Variants in PPP1R13B observed in about 807,000 individuals in gnomAD.
The protein encoded by PPP1R13B is apoptosis-stimulating of p53 protein 1.
Under a neutral mutation model 119.8 loss-of-function variants are expected in PPP1R13B, and 44 were observed. The ratio of observed to expected loss-of-function variants is 0.37; its 90% CI spans 0.29 to 0.47. PPP1R13B has a LOEUF of 0.47. Among genes scored for constraint, PPP1R13B ranks in the 20% least tolerant of loss-of-function variants. PPP1R13B has a pLI of 0.99. For missense variants in PPP1R13B, 1,227 were observed against 1,413.5 expected, an observed-to-expected ratio of 0.87 and a Z score of 2.12; for synonymous variants, 542 against 561.5, an observed-to-expected ratio of 0.97 and a Z score of 0.49.
intron 4 of PPP1R13B, among the ~76,000 whole-genome samples, chr14:103,761,796 C>T (rs976598498): frequency 2.6e-5 from 4 of 151,190 alleles, no homozygotes; most frequent in Non-Finnish European, 1.5e-5. Flanking sequence ...AAAAAAGAAA[C>T]ACTAAATAAT....
chr14:103,746,748 T>C (rs553739543), intron 8 of PPP1R13B, 195 bp from the exon 9 acceptor site: 1 of 485,554 alleles, frequency 2.1e-6, no homozygotes, highest in African/African-American at 2.0e-5. Flanking sequence ...TGAGCAATTC[T>C]CCGACAACAC....
chr14:103,789,048 T>C (rs2085543230), intron 2 of PPP1R13B, among the ~76,000 whole-genome samples: 1 of 152,200 alleles, frequency 6.6e-6, no homozygotes, highest in Non-Finnish European at 1.5e-5. Flanking sequence ...TATATGCTAA[T>C]GACTGATTTA....
At chr14:103,823,837 A>C (rs2086469770) in intron 1 of PPP1R13B, among the ~76,000 whole-genome samples, 1 of 152,132 alleles carries the variant, frequency 6.6e-6, no homozygotes, top group African/African-American at 2.4e-5. Context: ...CACTTTAAAA[A>C]AAAAAGTCAA....
intron 1 of PPP1R13B, chr14:103,847,077 G>A (rs777050769): frequency 3.0e-6 from 3 of 1,001,150 alleles, no homozygotes; most frequent in Non-Finnish European, 3.6e-6. Context: ...AGGCCGAGCA[G>A]GAAGGGCCCG....
chr14:103,742,632 T>A lies in PPP1R13B; in HGVS notation c.1320+22A>T. On this transcript the variant is annotated intron_variant, in intron 10 of 16. Transcript: ENST00000202556. This position sits in a 1 kb window ranked among gnomAD's most constrained non-coding sequence, Gnocchi z 4.9. Reference sequence around the variant, plus strand: ...CCTGTTGAAGAGCCCGCTTGTGTTCTGTGGTAAAGACACAGGCCTACCGGC... The same window carrying A: ...CCTGTTGAAGAGCCCGCTTGTGTTCAGTGGTAAAGACACAGGCCTACCGGC... 6.2e-7 allele frequency: 1 copy of A among 1,609,906 alleles called. No homozygotes were observed. The highest frequency in any genetic ancestry group is 8.5e-7 in the Non-Finnish European group (1 of 1,178,098).
intron 15 of PPP1R13B, 91 bp downstream of exon 15, chr14:103,737,603 T>C (rs1199965258): frequency 1.4e-6 from 2 of 1,450,966 alleles, no homozygotes; most frequent in Non-Finnish European, 1.9e-6. Context: ...AACAGAAAGC[T>C]GTGCTGAAGC....
chr14:103,791,885 T>A (rs1177019451), intron 2 of PPP1R13B, among the ~76,000 whole-genome samples: 1 of 152,212 alleles, frequency 6.6e-6, no homozygotes, highest in Admixed American at 6.5e-5. Context: ...AGCTAAATCA[T>A]GTTTCTCAGT....
chr14:103,799,433 C>G (rs1459426166), intron 1 of PPP1R13B, among the ~76,000 whole-genome samples: 1 of 152,094 alleles, frequency 6.6e-6, no homozygotes, highest in Non-Finnish European at 1.5e-5. Flanking sequence ...CCGCCTTGGC[C>G]TCCCAAAATG....
chr14:103,788,634 G>A (rs2085531084), intron 2 of PPP1R13B, among the ~76,000 whole-genome samples: 1 of 151,232 alleles, frequency 6.6e-6, no homozygotes, highest in African/African-American at 2.4e-5. Flanking sequence ...GGCTACGACT[G>A]CCATTGCGCT....
chr14:103,770,242 G>A (rs770536864), intron 4 of PPP1R13B, among the ~76,000 whole-genome samples: 4 of 152,004 alleles, frequency 2.6e-5, no homozygotes, highest in Non-Finnish European at 4.4e-5. Flanking sequence ...AGGCCCAGGT[G>A]GTAGCTCATG....
chr14:103,786,622 G>A (rs1473560832), intron 2 of PPP1R13B, among the ~76,000 whole-genome samples: 10 of 151,640 alleles, frequency 6.6e-5, no homozygotes, highest in African/African-American at 9.7e-5. Context: ...AAAATTAGCC[G>A]GGCATGGTGG....
chr14:103,745,337 A>G (rs941442699), intron 9 of PPP1R13B, among the ~76,000 whole-genome samples: 11 of 152,260 alleles, frequency 7.2e-5, no homozygotes, highest in African/African-American at 2.7e-4. Context: ...ACAATCCCGA[A>G]AAAGGGGCTC....
chr14:103,735,472 G>A (rs1034674860), intron 16 of PPP1R13B, among the ~76,000 whole-genome samples: 3 of 152,104 alleles, frequency 2.0e-5, no homozygotes, highest in Non-Finnish European at 4.4e-5. Context: ...GCTCCCCTGG[G>A]CAAGGGTCTC....
intron 1 of PPP1R13B, among the ~76,000 whole-genome samples, chr14:103,824,246 G>C (rs992813230): frequency 6.7e-6 from 1 of 149,842 alleles, no homozygotes; most frequent in Non-Finnish European, 1.5e-5. Context: ...GGATTTCACC[G>C]TGTTAGCCAG....
At chr14:103,800,689 T>C (rs1387070078) in intron 1 of PPP1R13B, among the ~76,000 whole-genome samples, 1 of 151,968 alleles carries the variant, frequency 6.6e-6, no homozygotes, top group Non-Finnish European at 1.5e-5. Flanking sequence ...AAAAAAAGAT[T>C]TTTTTTTCTT....
At chr14:103,739,327 GA>G (rs2084192784) in intron 12 of PPP1R13B, 1 of 381,376 alleles carries the variant, frequency 2.6e-6, no homozygotes, top group African/African-American at 2.0e-5. Context: ...GGTGGCGTGT[GA>G]CTGCCAAGTA....
At chr14:103,822,647 A>G (rs989244168) in intron 1 of PPP1R13B, among the ~76,000 whole-genome samples, 3 of 151,942 alleles carry the variant, frequency 2.0e-5, no homozygotes, top group Non-Finnish European at 4.4e-5. Flanking sequence ...CCCCATTTCT[A>G]CTAAAAATAC....
intron 4 of PPP1R13B, among the ~76,000 whole-genome samples, chr14:103,758,992 T>C (rs1437022751): frequency 6.6e-6 from 1 of 150,870 alleles, no homozygotes; most frequent in Admixed American, 6.6e-5. Flanking sequence ...GGAGTCTCGC[T>C]CTGTCACCCA....
At chr14:103,794,786 C>T (rs1392962757) in intron 2 of PPP1R13B, 3 of 276,830 alleles carry the variant, frequency 1.1e-5, no homozygotes, top group Non-Finnish European at 2.2e-5. Context: ...CTTCCTAGAT[C>T]CAGCTTCGTT....
Sources: gnomAD v4.1 joint callset for allele counts (sites outside exome capture counted in the v4.1 genomes callset) on GRCh38, gnomAD v4.1.1 for gene constraint, Gnocchi (gnomAD v3.1) non-coding constraint, MANE v1.5 for transcripts, NCBI Gene and HGNC (gene_info 2026-07-23, HGNC 2026-07-21) for gene names.